ASXL3: variants seen among roughly 807,000 people sequenced by gnomAD.
The protein encoded by ASXL3 is putative Polycomb group protein ASXL3.
A neutral mutation model predicts 170.6 loss-of-function variants in ASXL3; 34 were observed. The ratio of observed to expected loss-of-function variants is 0.20; its 90% CI spans 0.15 to 0.27. ASXL3 has a LOEUF of 0.27. ASXL3 is among the 10% of genes least tolerant of loss of function. ASXL3 has a pLI of 1.00. For synonymous variants in ASXL3, 1,002 were observed against 989.1 expected, an observed-to-expected ratio of 1.01 and a Z score of -0.24; for missense variants, 2,592 against 2,695.3, an observed-to-expected ratio of 0.96 and a Z score of 0.85.
intron 6 of ASXL3, 71 bp downstream of exon 6, chr18:33,670,861 C>A: frequency 9.6e-7 from 1 of 1,036,624 alleles, no homozygotes. Flanking sequence ...AAAGAGATGT[C>A]ATGATTTTTT....
rs568616900 is a variant in ASXL3 at position 33,590,631 on chromosome 18, T to G, written c.54+11946T>G. 3.3e-5 allele frequency among the ~76,000 whole-genome samples: 5 copies of G among 152,266 alleles called. No individual in the cohort carries two copies. The South Asian group carries it at 1.0e-3, about 32-fold the overall frequency. On this transcript the variant is annotated intron_variant, in intron 1 of 11. Coordinates refer to ENST00000269197, the MANE Select transcript of ASXL3 (RefSeq NM_030632.3). ...GGTACTCTTCATTCATTACTTCTGTTATTATTTTTATAATATTTATTTTAC... is the reference window on the plus strand; with the variant it reads ...GGTACTCTTCATTCATTACTTCTGTGATTATTTTTATAATATTTATTTTAC...
At chr18:33,713,348 C>CA in intron 8 of ASXL3, among the ~76,000 whole-genome samples, 1 of 143,916 alleles carries the variant, frequency 6.9e-6, no homozygotes, top group Admixed American at 6.9e-5. Flanking sequence ...TCCACCCCCC[C>CA]CCGGGTTCAA....
chr18:33,615,677 A>G (rs1447809913), intron 2 of ASXL3, among the ~76,000 whole-genome samples: 1 of 152,202 alleles, frequency 6.6e-6, no homozygotes, highest in Non-Finnish European at 1.5e-5. Context: ...TATCACACAT[A>G]TTAATCACTT....
At chr18:33,622,160 A>T (rs184966710) in intron 2 of ASXL3, among the ~76,000 whole-genome samples, 13 of 152,270 alleles carry the variant, frequency 8.5e-5, no homozygotes, top group Non-Finnish European at 1.8e-4. Flanking sequence ...AATGCAGTAT[A>T]TAATATATGT....
At chr18:33,645,479 A>G (rs1214447248) in intron 3 of ASXL3, among the ~76,000 whole-genome samples, 2 of 152,000 alleles carry the variant, frequency 1.3e-5, no homozygotes, top group Non-Finnish European at 2.9e-5. Flanking sequence ...AGGAAGTTTT[A>G]CTAATGCACA....
At position 33,739,749 on chromosome 18, in the gene ASXL3, A is replaced by C. The variant is rs777700619; in HGVS notation, c.2345A>C (p.Gln782Pro). The change falls in exon 11 of 12, where the codon CAG (glutamine) becomes CCG (proline). Residue 782 changes from glutamine to proline, a missense_variant. By Grantham distance (76) the Gln-to-Pro change is moderately conservative. This residue lies in a region of ASXL3 where 2,246 missense variants were observed against 2,219.6 expected (regional missense o/e 1.01). Transcript: ENST00000269197. ...GTATCTGAAGAGCCACTCTCCCCGC[A>C]GAAAGATGAGTCTTCCGCCACTGCC... ...PSVSEEPLSPQKDESSATAKP... is the reference protein window; with the variant it reads ...PSVSEEPLSPPKDESSATAKP... 15 of 1,613,878 alleles carry C rather than the reference A, an allele frequency of 9.3e-6. No individual in the cohort carries two copies. Among genetic ancestry groups the C allele is most frequent in the Admixed American group, 1.7e-5 (1 of 60,012 alleles).
chr18:33,607,754 T>C lies in ASXL3; in HGVS notation c.137+78T>C, dbSNP rs1246710228. 8.4e-5 allele frequency: 87 copies of C among 1,037,106 alleles called. 1 individual carries two copies. Among genetic ancestry groups the C allele is most frequent in the Non-Finnish European group, 1.2e-4 (84 of 701,806 alleles). The allele number at this position is 1,037,106 out of a possible 1,614,324, so 64.2% of individuals were successfully genotyped here. A position where few individuals can be genotyped will look rare whatever the true frequency, so the allele number is the denominator to read the frequency against. On this transcript the variant is annotated intron_variant, in intron 2 of 11. Coordinates refer to ENST00000269197, the MANE Select transcript of ASXL3 (RefSeq NM_030632.3). Reference sequence around the variant, plus strand: ...CTCGTTGCTAAGCGATAGGTGTATCTAGATTTTGATATTGTAGTTGATTGT... The same window carrying C: ...CTCGTTGCTAAGCGATAGGTGTATCCAGATTTTGATATTGTAGTTGATTGT...
At chr18:33,583,620 T>C (rs1384098946) in intron 1 of ASXL3, among the ~76,000 whole-genome samples, 2 of 152,146 alleles carry the variant, frequency 1.3e-5, no homozygotes, top group African/African-American at 4.8e-5. Context: ...ACCTGGTGTT[T>C]AGGTTGTTAA....
intron 1 of ASXL3, among the ~76,000 whole-genome samples, chr18:33,603,362 T>A (rs1048941178): frequency 6.6e-6 from 1 of 152,050 alleles, no homozygotes; most frequent in African/African-American, 2.4e-5. Context: ...CCTAAATGAT[T>A]TGGCAAATCA....
chr18:33,746,744 C>G lies in ASXL3; in HGVS notation c.*149C>G, dbSNP rs1025998430. Reference sequence around the variant, plus strand: ...TTTCCTCTATGGCATTATTTTCTTGCATTTCTCATAAAGGGGAGGATGCAT... The same window carrying G: ...TTTCCTCTATGGCATTATTTTCTTGGATTTCTCATAAAGGGGAGGATGCAT... On this transcript the variant is annotated 3_prime_UTR_variant, in exon 12 of 12. Transcript: ENST00000269197. 4.6e-6 allele frequency: 6 copies of G among 1,301,338 alleles called. No individual in the cohort carries two copies. The African/African-American group carries it at 7.4e-5, about 16-fold the overall frequency. The allele number at this position is 1,301,338 out of a possible 1,614,324, so 80.6% of individuals were successfully genotyped here.
rs2067820973 is a variant in ASXL3 at position 33,747,820 on chromosome 18, C to G, written c.*1225C>G. The G allele has an allele frequency of 6.6e-6, 1 of 152,060 alleles. No individual in the cohort carries two copies. Among genetic ancestry groups the G allele is most frequent in the African/African-American group, 2.4e-5 (1 of 41,418 alleles). 9.4% of individuals were successfully genotyped at this position (152,060 alleles called of 1,614,324 possible). A position where few individuals can be genotyped will look rare whatever the true frequency, so the allele number is the denominator to read the frequency against. On this transcript the variant is annotated 3_prime_UTR_variant, in exon 12 of 12. Transcript: ENST00000269197. ...AATACATTCTTCATATTTGGGGGAA[C>G]TGCTTTTGAAAAAGGGATACTGCAT...
chr18:33,689,961 G>A (rs938856175), intron 8 of ASXL3, among the ~76,000 whole-genome samples: 3 of 151,720 alleles, frequency 2.0e-5, no homozygotes, highest in Non-Finnish European at 2.9e-5. Flanking sequence ...CCCACATTTG[G>A]TCCACAAGAG....
At chr18:33,651,234 T>C (rs962005161) in intron 4 of ASXL3, among the ~76,000 whole-genome samples, 15 of 152,152 alleles carry the variant, frequency 9.9e-5, no homozygotes, top group African/African-American at 3.4e-4. Flanking sequence ...TTCTTAAAAT[T>C]CAATAATAGA....
chr18:33,605,473 C>G (rs1044722556), intron 1 of ASXL3: 4 of 152,198 alleles, frequency 2.6e-5, no homozygotes, highest in African/African-American at 9.7e-5. Context: ...GTGGCTTCAT[C>G]ATTTCCTTCC....
At chr18:33,663,833 G>C (rs2066216161) in intron 5 of ASXL3, among the ~76,000 whole-genome samples, 1 of 152,064 alleles carries the variant, frequency 6.6e-6, no homozygotes, top group Non-Finnish European at 1.5e-5. Flanking sequence ...TGAACATGCA[G>C]CATTTTAAAC....
chr18:33,682,731 G>A (rs183274634), intron 7 of ASXL3, among the ~76,000 whole-genome samples: 154 of 152,160 alleles, frequency 1.0e-3, no homozygotes, highest in African/African-American at 3.6e-3. Context: ...AAATTTTTGT[G>A]TGTGCAGATG....
At chr18:33,648,228 A>G (rs1223177151) in intron 4 of ASXL3, among the ~76,000 whole-genome samples, 2 of 152,110 alleles carry the variant, frequency 1.3e-5, no homozygotes, top group Admixed American at 6.6e-5. Context: ...GAACAAGGAA[A>G]AAAGCAGGGA....
chr18:33,738,563 T>C lies in ASXL3; in HGVS notation c.1159T>C (p.Cys387Arg). 6.2e-7 allele frequency: 1 copy of C among 1,613,864 alleles called. No homozygotes were observed. The highest frequency in any genetic ancestry group is 8.5e-7 in the Non-Finnish European group (1 of 1,179,826). ...NNAGAQSSSS[C>R]GTSGLPVSAQ... is the part of the protein sequence containing the mutation. Reference sequence around the variant, plus strand: ...CGCTGGAGCTCAAAGTAGTTCTTCATGTGGGACTTCTGGCCTTCCAGTTTC... The same window carrying C: ...CGCTGGAGCTCAAAGTAGTTCTTCACGTGGGACTTCTGGCCTTCCAGTTTC... Residue 387 changes from cysteine to arginine, a missense_variant, in exon 11 of 12, where the codon TGT becomes CGT. This residue lies in a region of ASXL3 where 2,246 missense variants were observed against 2,219.6 expected (regional missense o/e 1.01). Coordinates refer to ENST00000269197, the MANE Select transcript of ASXL3 (RefSeq NM_030632.3).
chr18:33,603,436 A>G (rs2065206617), intron 1 of ASXL3, among the ~76,000 whole-genome samples: 1 of 151,846 alleles, frequency 6.6e-6, no homozygotes, highest in Non-Finnish European at 1.5e-5. Context: ...TTTTCTCCCC[A>G]TACTAGGACG....
Sources: gnomAD v4.1 joint callset for allele counts (sites outside exome capture counted in the v4.1 genomes callset) on GRCh38, gnomAD v4.1.1 for gene constraint, gnomAD v4.1.1 regional missense constraint, MANE v1.5 for transcripts, NCBI Gene and HGNC (gene_info 2026-07-23, HGNC 2026-07-21) for gene names.